GCH1: variants seen among roughly 807,000 people sequenced by gnomAD.
GCH1 encodes GTP cyclohydrolase I.
GCH1 carries 5 observed loss-of-function variants against 25.9 expected under a neutral mutation model. The ratio of observed to expected loss-of-function variants is 0.19; its 90% CI spans 0.10 to 0.41. The LOEUF (loss-of-function observed/expected upper bound fraction) is 0.41, where lower values mean the gene tolerates loss of function less well. GCH1 is among the 10% of genes least tolerant of loss of function. The pLI, the probability that GCH1 is intolerant of heterozygous loss-of-function variation, is 1.00. For synonymous variants in GCH1, 159 were observed against 129.6 expected (o/e 1.23, Z -1.54); for missense variants, 261 against 336.5 (o/e 0.78, Z 1.75).
Position 54,902,681 on chromosome 14 carries a change from T to G in GCH1, c.-18A>C. On this transcript the variant is annotated 5_prime_UTR_variant, in exon 1 of 6. Transcript: ENST00000491895. ...TTCTCCATGGACCCGCCGCAGCCGC[T>G]GCCGTTCGGGAAGGACCCCGGGGCG... 1 of 1,437,578 alleles carries G rather than the reference T, an allele frequency of 7.0e-7. No individual in the cohort carries two copies. Among genetic ancestry groups the G allele is most frequent in the Non-Finnish European group, 9.1e-7 (1 of 1,101,958 alleles). The allele number at this position is 1,437,578 out of a possible 1,614,324, so 89.1% of individuals were successfully genotyped here. A position where few individuals can be genotyped will look rare whatever the true frequency, so the allele number is the denominator to read the frequency against.
chr14:54,896,918 CAAA>C (rs562487591), intron 1 of GCH1, among the ~76,000 whole-genome samples: 1 of 67,218 alleles, frequency 1.5e-5, no homozygotes. Context: ...GACTTCATCT[CAAA>C]AAAAAAAAAA....
intron 1 of GCH1, among the ~76,000 whole-genome samples, chr14:54,870,041 T>C (rs1213998198): frequency 6.6e-6 from 1 of 152,124 alleles, no homozygotes; most frequent in Non-Finnish European, 1.5e-5. Flanking sequence ...AGAACTTCAC[T>C]GCAAAAGGAA....
intron 1 of GCH1, among the ~76,000 whole-genome samples, chr14:54,900,845 T>TCTCA (rs372705352): frequency 4.1e-5 from 6 of 144,742 alleles, no homozygotes; most frequent in Non-Finnish European, 6.0e-5. Context: ...GTGAAATATC[T>TCTCA]CACACACACA....
intron 5 of GCH1, among the ~76,000 whole-genome samples, chr14:54,844,958 G>T (rs1427814268): frequency 2.0e-5 from 3 of 152,110 alleles, no homozygotes; most frequent in African/African-American, 7.2e-5. Flanking sequence ...GATCACTTGA[G>T]GTCAGGAGTT....
chr14:54,887,570 G>A (rs1367308918), intron 1 of GCH1, among the ~76,000 whole-genome samples: 1 of 152,136 alleles, frequency 6.6e-6, no homozygotes, highest in Non-Finnish European at 1.5e-5. Flanking sequence ...GACCTTGAGT[G>A]GATCCTTGTT....
intron 1 of GCH1, among the ~76,000 whole-genome samples, chr14:54,896,180 C>T (rs547184011): frequency 2.8e-4 from 43 of 152,106 alleles, no homozygotes; most frequent in Non-Finnish European, 5.7e-4. Context: ...ATATAAAGTC[C>T]TGTATCCTGT....
intron 2 of GCH1, among the ~76,000 whole-genome samples, chr14:54,863,347 G>A (rs2039937221): frequency 1.4e-5 from 2 of 145,564 alleles, no homozygotes; most frequent in African/African-American, 2.5e-5. Flanking sequence ...GCGTGAACCC[G>A]GGAGGTGGAG....
intron 1 of GCH1, among the ~76,000 whole-genome samples, chr14:54,881,291 C>A (rs2040269225): frequency 6.6e-6 from 1 of 152,042 alleles, no homozygotes; most frequent in South Asian, 2.1e-4. Context: ...AAGACCCAGC[C>A]AGCTTCACGC....
intron 1 of GCH1, among the ~76,000 whole-genome samples, chr14:54,871,438 T>G (rs2040075727): frequency 6.6e-6 from 1 of 151,716 alleles, no homozygotes; most frequent in Non-Finnish European, 1.5e-5. Flanking sequence ...AACATCAGAG[T>G]GCATCTCCTC....
At chr14:54,861,190 T>A (rs2039891711) in intron 2 of GCH1, among the ~76,000 whole-genome samples, 1 of 152,188 alleles carries the variant, frequency 6.6e-6, no homozygotes, top group Non-Finnish European at 1.5e-5. Context: ...TTTTCCCCCA[T>A]CCATTGGCAC....
At chr14:54,897,981 C>A (rs959189142) in intron 1 of GCH1, among the ~76,000 whole-genome samples, 2 of 152,190 alleles carry the variant, frequency 1.3e-5, no homozygotes, top group Non-Finnish European at 2.9e-5. Flanking sequence ...CTATTACACA[C>A]CTAGGCTACA....
chr14:54,894,913 C>G (rs2040465741), intron 1 of GCH1, among the ~76,000 whole-genome samples: 1 of 152,112 alleles, frequency 6.6e-6, no homozygotes, highest in African/African-American at 2.4e-5. Context: ...ATGAGAAGAG[C>G]ATTTCTATAA....
chr14:54,862,802 C>T, intron 2 of GCH1, among the ~76,000 whole-genome samples: 1 of 151,986 alleles, frequency 6.6e-6, no homozygotes, highest in African/African-American at 2.4e-5. Context: ...TCTTATGAAA[C>T]TTTAGATCTA....
At position 54,843,221 on chromosome 14, in the gene GCH1, T is replaced by C. The variant is rs2039587434; in HGVS notation, c.*796A>G. The C allele has an allele frequency of 7.0e-7, 1 of 1,430,366 alleles. No homozygotes were observed. Among genetic ancestry groups the C allele is most frequent in the Middle Eastern group, 2.5e-4 (1 of 3,928 alleles). 88.6% of individuals were successfully genotyped at this position (1,430,366 alleles called of 1,614,324 possible). On this transcript the variant is annotated 3_prime_UTR_variant, in exon 6 of 6. Coordinates refer to ENST00000491895, the MANE Select transcript of GCH1 (RefSeq NM_000161.3). ...AACTGAGCTGACTAGTTATTTGCAG[T>C]GTGAGTACTAAGTCTCATAAAATAA...
intron 1 of GCH1, among the ~76,000 whole-genome samples, chr14:54,888,068 C>G (rs555965841): frequency 8.9e-4 from 135 of 152,208 alleles, no homozygotes; most frequent in African/African-American, 3.2e-3. Context: ...GGGGAAAAGT[C>G]TTTAAATAAA....
intron 1 of GCH1, among the ~76,000 whole-genome samples, chr14:54,900,849 A>T (rs1338618387): frequency 4.4e-5 from 1 of 22,544 alleles, no homozygotes; most frequent in South Asian, 2.8e-3. Flanking sequence ...AATATCTCAC[A>T]CACACACACA....
rs908913666 is a variant in GCH1, at chr14:54,843,123, AAG to A, written c.*892_*893del. 4.1e-6 allele frequency: 6 copies of A among 1,460,986 alleles called. No homozygotes were observed. In the African/African-American group the frequency reaches 1.6e-4, roughly 38 times the overall value. The allele number at this position is 1,460,986 out of a possible 1,614,324, so 90.5% of individuals were successfully genotyped here. A position where few individuals can be genotyped will look rare whatever the true frequency, so the allele number is the denominator to read the frequency against. ...AAAAATATCTTATAAGATTAAAAAA[AAG>A]AAGAAGAAGAAACATTTTGAGGCAT... On this transcript the variant is annotated 3_prime_UTR_variant, in exon 6 of 6. Transcript: ENST00000491895.
At chr14:54,892,807 G>A (rs1028338971) in intron 1 of GCH1, among the ~76,000 whole-genome samples, 1 of 152,214 alleles carries the variant, frequency 6.6e-6, no homozygotes, top group Non-Finnish European at 1.5e-5. Flanking sequence ...GGCCGGGTGC[G>A]GTGGCTCATG....
At chr14:54,885,140 C>A in intron 1 of GCH1, 1 of 260,214 alleles carries the variant, frequency 3.8e-6, no homozygotes, top group South Asian at 5.1e-5. Context: ...ACAGTAGGGT[C>A]CCCAAAGAGG....
Sources: allele counts gnomAD v4.1 joint callset (sites outside exome capture counted in the v4.1 genomes callset), GRCh38; gene constraint gnomAD v4.1.1; transcripts MANE v1.5; gene names NCBI Gene and HGNC (gene_info 2026-07-23, HGNC 2026-07-21).